GRIA1: variants seen among roughly 807,000 people sequenced by gnomAD.
GRIA1 encodes glutamate ionotropic receptor AMPA type subunit 1, also known as glutamate receptor 1.
Under a neutral mutation model 99.2 loss-of-function variants are expected in GRIA1, and 31 were observed. The observed-to-expected ratio is 0.31, with a 90% CI of 0.23 to 0.42. The LOEUF (loss-of-function observed/expected upper bound fraction) is 0.42. GRIA1 is among the 10% of genes least tolerant of loss of function. The pLI, the probability that GRIA1 is intolerant of heterozygous loss-of-function variation, is 1.00. For synonymous variants in GRIA1, 438 were observed against 432.4 expected (o/e 1.01, Z -0.16); for missense variants, 782 against 1,157.5 (o/e 0.68, Z 4.71).
chr5:153,672,121 G>T (rs1430151917), intron 5 of GRIA1, among the ~76,000 whole-genome samples: 1 of 152,210 alleles, frequency 6.6e-6, no homozygotes, highest in Non-Finnish European at 1.5e-5. Flanking sequence ...TACACTGCAG[G>T]CTACTGAAGG....
At chr5:153,580,979 TA>T (rs762096241) in intron 2 of GRIA1, among the ~76,000 whole-genome samples, 10 of 152,204 alleles carry the variant, frequency 6.6e-5, no homozygotes, top group Non-Finnish European at 1.2e-4. Context: ...AGCTTTTTCC[TA>T]AAGATGTTTC....
At chr5:153,499,613 C>CAAAAAAAAAAAAAAAAAAAAAAAAAA (rs70976100) in intron 2 of GRIA1, among the ~76,000 whole-genome samples, 1 of 42,126 alleles carries the variant, frequency 2.4e-5, no homozygotes, top group African/African-American at 9.3e-5. Context: ...GAATTTGTCT[C>CAAAAAAAAAAAAAAAAAAAAAAAAAA]AAAAAAAAAA....
rs201709009 is a variant in GRIA1, at chr5:153,511,670, C to T, written c.220+17605C>T. ...TGGTGAAACTAAGGCTGAGAGCATACACAGGGATTTATCTGCAGTCAGGTA... is the reference window on the plus strand; with the variant it reads ...TGGTGAAACTAAGGCTGAGAGCATATACAGGGATTTATCTGCAGTCAGGTA... On this transcript the variant is annotated intron_variant, in intron 2 of 15. Coordinates refer to ENST00000285900, the MANE Select transcript of GRIA1 (RefSeq NM_000827.4). Among the ~76,000 whole-genome samples, 6 of 152,262 alleles carry T rather than the reference C, an allele frequency of 3.9e-5. No individual in the cohort carries two copies. In the East Asian group the frequency reaches 1.2e-3, roughly 29 times the overall value.
chr5:153,509,701 C>A (rs1032318951), intron 2 of GRIA1, among the ~76,000 whole-genome samples: 2 of 152,098 alleles, frequency 1.3e-5, no homozygotes, highest in Non-Finnish European at 2.9e-5. Flanking sequence ...CCTCTCAAAG[C>A]CTTGGTTTTT....
At chr5:153,592,311 C>T (rs1462073568) in intron 2 of GRIA1, among the ~76,000 whole-genome samples, 1 of 152,202 alleles carries the variant, frequency 6.6e-6, no homozygotes, top group African/African-American at 2.4e-5. Context: ...AGGGGCCTGA[C>T]AGCATAGATG....
intron 2 of GRIA1, among the ~76,000 whole-genome samples, chr5:153,606,891 C>A (rs1357738850): frequency 9.6e-6 from 1 of 104,092 alleles, no homozygotes; most frequent in Non-Finnish European, 2.1e-5. Context: ...GTTTTTCATC[C>A]TGATTATGAA....
intron 1 of GRIA1, chr5:153,492,108 A>G: frequency 7.1e-7 from 1 of 1,416,860 alleles, no homozygotes; most frequent in Non-Finnish European, 9.3e-7. Flanking sequence ...TAGCTCCACT[A>G]GGGAAAGTTC....
chr5:153,749,291 C>CTT (rs1762358132), intron 11 of GRIA1, among the ~76,000 whole-genome samples: 1 of 152,128 alleles, frequency 6.6e-6, no homozygotes, highest in African/African-American at 2.4e-5. Flanking sequence ...CATTATCTCC[C>CTT]TTTTTCAGGT....
intron 2 of GRIA1, among the ~76,000 whole-genome samples, chr5:153,495,903 G>T (rs531676824): frequency 1.3e-5 from 2 of 152,306 alleles, no homozygotes; most frequent in South Asian, 4.1e-4. Context: ...ATATACATGT[G>T]CTAATTTATT....
intron 14 of GRIA1, among the ~76,000 whole-genome samples, chr5:153,795,126 G>A (rs1356828360): frequency 3.9e-5 from 6 of 152,146 alleles, no homozygotes; most frequent in Non-Finnish European, 4.4e-5. Flanking sequence ...CAGATTCTGA[G>A]ATACACACCA....
intron 11 of GRIA1, among the ~76,000 whole-genome samples, chr5:153,752,269 C>T (rs1247149459): frequency 2.6e-5 from 4 of 152,128 alleles, no homozygotes; most frequent in Non-Finnish European, 5.9e-5. Flanking sequence ...CGTTCTCCCA[C>T]CCCTGCACCT....
chr5:153,534,074 G>A (rs1758330795), intron 2 of GRIA1, among the ~76,000 whole-genome samples: 1 of 152,236 alleles, frequency 6.6e-6, no homozygotes, highest in Non-Finnish European at 1.5e-5. Context: ...GGGTTTTGGG[G>A]CTATGCTGGT....
In GRIA1 at chr5:153,812,816, C is replaced by T. The variant is rs539400513; in HGVS notation, c.*1591C>T. The T allele has an allele frequency of 1.3e-5, 2 of 152,314 alleles. No individual in the cohort carries two copies. Among genetic ancestry groups the T allele is most frequent in the South Asian group, 4.1e-4 (2 of 4,830 alleles). 9.4% of individuals were successfully genotyped at this position (152,314 alleles called of 1,614,324 possible). A position where few individuals can be genotyped will look rare whatever the true frequency, so the allele number is the denominator to read the frequency against. ...TCTCATTCTTGGTGCAACTGGCTTC[C>T]AGCTCTCCAGCAGTCACTCTCCTAG... On this transcript the variant is annotated 3_prime_UTR_variant, in exon 16 of 16. Coordinates refer to ENST00000285900, the MANE Select transcript of GRIA1 (RefSeq NM_000827.4).
At chr5:153,642,860 C>T (rs1463037444) in intron 2 of GRIA1, among the ~76,000 whole-genome samples, 4 of 152,160 alleles carry the variant, frequency 2.6e-5, no homozygotes, top group Non-Finnish European at 5.9e-5. Context: ...TCTAGTCTGC[C>T]TCCTTTCATC....
chr5:153,728,120 T>C (rs111288085), intron 11 of GRIA1, among the ~76,000 whole-genome samples: 78,049 of 149,934 alleles, frequency 0.52, 21,274 homozygotes, highest in East Asian at 0.94. Context: ...CTGAGAAAAA[T>C]AAGCAATGGG....
chr5:153,596,456 C>T (rs941107001), intron 2 of GRIA1, among the ~76,000 whole-genome samples: 2 of 152,186 alleles, frequency 1.3e-5, no homozygotes, highest in African/African-American at 4.8e-5. Context: ...CCACAGCAGG[C>T]CTGTGAAAGA....
At chr5:153,780,688 T>C (rs1764573766) in intron 13 of GRIA1, among the ~76,000 whole-genome samples, 1 of 152,222 alleles carries the variant, frequency 6.6e-6, no homozygotes, top group South Asian at 2.1e-4. Context: ...GATTGTCTTG[T>C]GAATACAATG....
intron 3 of GRIA1, among the ~76,000 whole-genome samples, chr5:153,649,440 T>TTAGTTAGTTAGTTAG (rs1561727562): frequency 1.4e-5 from 2 of 146,798 alleles, no homozygotes; most frequent in African/African-American, 5.0e-5. Flanking sequence ...TATTTATTTA[T>TTAGTTAGTTAGTTAG]TTAGTTAGTT....
rs1256040468 is a variant in GRIA1 at position 153,698,749 on chromosome 5, G to A, written c.1246-118G>A. The A allele has an allele frequency of 5.8e-6, 4 of 688,614 alleles. No individual in the cohort carries two copies. The African/African-American group carries it at 6.9e-5, about 12-fold the overall frequency. 42.7% of individuals were successfully genotyped at this position (688,614 alleles called of 1,614,324 possible). On this transcript the variant is annotated intron_variant, in intron 9 of 15. Coordinates refer to ENST00000285900, the MANE Select transcript of GRIA1 (RefSeq NM_000827.4). ...TGAAGACATTTAGGAAGTGAATTGA[G>A]GGGCTAGAGAGCCTTCCCCAGTGTT...
Sources: gnomAD v4.1 joint callset for allele counts (sites outside exome capture counted in the v4.1 genomes callset) on GRCh38, gnomAD v4.1.1 for gene constraint, MANE v1.5 for transcripts, NCBI Gene and HGNC (gene_info 2026-07-23, HGNC 2026-07-21) for gene names.